Variants in INTS1 observed in about 807,000 individuals in gnomAD.
The protein encoded by INTS1 is integrator complex subunit 1.
Under a neutral mutation model 241.6 loss-of-function variants are expected in INTS1, and 137 were observed. That is an observed-to-expected ratio of 0.57 (90% CI 0.49 to 0.65). The LOEUF (loss-of-function observed/expected upper bound fraction) is 0.65. INTS1 is among the 30% of genes least tolerant of loss of function. INTS1 has a pLI of 0.00. For missense variants in INTS1, 3,073 were observed against 3,032.2 expected (o/e 1.01, Z -0.32); for synonymous variants, 1,692 against 1,337.8 (o/e 1.26, Z -5.78).
At chr7:1,502,492 G>C (rs572377959) in intron 3 of INTS1, among the ~76,000 whole-genome samples, 4 of 152,182 alleles carry the variant, frequency 2.6e-5, no homozygotes, top group African/African-American at 9.7e-5. Context: ...AACCAGGAGG[G>C]AAGGAGGAAC....
chr7:1,500,480 G>T (rs1783119165), intron 3 of INTS1, 114 bp from the exon 4 acceptor site: 1 of 1,198,012 alleles, frequency 8.3e-7, no homozygotes, highest in East Asian at 2.6e-5. Context: ...GCCCTGCCAG[G>T]GACCAGCGAT....
Position 1,471,122 on chromosome 7 carries a change from G to T in INTS1, c.6347+11C>A. On this transcript the variant is annotated intron_variant, in intron 46 of 47. Transcript: ENST00000404767. ...CGGTGGCGGCGGGACAGAGGCCGGCGGTGGCCTCACCTGGGGCTGTTCTGC... is the reference window on the plus strand; with the variant it reads ...CGGTGGCGGCGGGACAGAGGCCGGCTGTGGCCTCACCTGGGGCTGTTCTGC... 1 of 1,557,390 alleles carries T rather than the reference G, an allele frequency of 6.4e-7. No homozygotes were observed. Among genetic ancestry groups the T allele is most frequent in the Non-Finnish European group, 8.7e-7 (1 of 1,151,292 alleles).
In INTS1 at chr7:1,504,136, G is replaced by A. The variant is rs956195182; in HGVS notation, c.-41-135C>T. 1.8e-5 allele frequency: 10 copies of A among 562,480 alleles called. No individual in the cohort carries two copies. The African/African-American group carries it at 1.8e-4, about 10-fold the overall frequency. 34.8% of individuals were successfully genotyped at this position (562,480 alleles called of 1,614,324 possible). The stretch of plus-strand genomic sequence containing the variant: ...CGCGCCCGCCCGGCGGGGCGATGCT[G>A]CAGGAGCTGCAGGGACCCCGCCTCC... On this transcript the variant is annotated intron_variant, in intron 1 of 47. Coordinates refer to ENST00000404767, the MANE Select transcript of INTS1 (RefSeq NM_001080453.3).
Position 1,498,798 on chromosome 7 carries a change from G to T in INTS1, c.1192C>A (p.His398Asn), listed in dbSNP as rs369473164. Reference sequence around the variant, plus strand: ...ATGACGTCCATGTCTTCGGAACCGTGCGTGTTGCAGTTCATGCAGACGGAC... The same window carrying T: ...ATGACGTCCATGTCTTCGGAACCGTTCGTGTTGCAGTTCATGCAGACGGAC... The part of the protein sequence containing the change: ...LMSVCMNCNT[H>N]GSEDMDVISH... Residue 398 changes from histidine (H) to asparagine (N), a missense_variant, in exon 9 of 48, where the codon CAC becomes AAC. Physicochemically the swap from His to Asn is moderately conservative, Grantham distance 68 (BLOSUM62 1). Coordinates refer to ENST00000404767, the MANE Select transcript of INTS1 (RefSeq NM_001080453.3). 29 of 1,603,172 alleles carry T rather than the reference G, an allele frequency of 1.8e-5. No individual in the cohort carries two copies. In the African/African-American group the frequency reaches 2.7e-4, roughly 15 times the overall value.
rs754042228 is a variant in INTS1, at chr7:1,493,760, C to T, written c.2062G>A (p.Ala688Thr). The change falls in exon 15 of 48, where the codon GCG becomes ACG. Residue 688 changes from alanine (A) to threonine (T), a missense_variant. Physicochemically the swap from Ala to Thr is moderately conservative, Grantham distance 58 (BLOSUM62 0). Coordinates refer to ENST00000404767, the MANE Select transcript of INTS1 (RefSeq NM_001080453.3). The surrounding 1 kb of genome is among the most constrained non-coding windows in gnomAD (Gnocchi z 5.3). ...HLVKRAAAVQADDVEVLKVGR... is the reference protein window; with the variant it reads ...HLVKRAAAVQTDDVEVLKVGR... Reference sequence around the variant, plus strand: ...TCCCCTGCAGAAGCCATACCATCCGCCTGCACGGCAGCCGCCCGCTTCACC... The same window carrying T: ...TCCCCTGCAGAAGCCATACCATCCGTCTGCACGGCAGCCGCCCGCTTCACC... 1 of 1,578,152 alleles carries T rather than the reference C, an allele frequency of 6.3e-7. No individual in the cohort carries two copies. Among genetic ancestry groups the T allele is most frequent in the Admixed American group, 1.8e-5 (1 of 54,666 alleles).
At chr7:1,475,756 C>G (rs1350211582) in intron 39 of INTS1, among the ~76,000 whole-genome samples, 192 bp downstream of exon 39, 1 of 152,254 alleles carries the variant, frequency 6.6e-6, no homozygotes, top group Non-Finnish European at 1.5e-5. Flanking sequence ...ACTGTGCGAG[C>G]AGAGCACCCG....
intron 30 of INTS1, 46 bp from the exon 31 acceptor site, chr7:1,479,730 G>A: frequency 4.9e-6 from 7 of 1,437,856 alleles, no homozygotes; most frequent in Non-Finnish European, 6.4e-6. Context: ...AGGAGAAGGA[G>A]GAGGAGCGCA....
chr7:1,498,863 G>A lies in INTS1; in HGVS notation c.1138-11C>T, dbSNP rs199689668. The A allele has an allele frequency of 1.1e-4, 171 of 1,594,012 alleles. 1 individual carries two copies. Among genetic ancestry groups the A allele is most frequent in the South Asian group, 6.9e-5 (6 of 87,584 alleles). ...GGCCGGCCGGGTCAGCTGCGGGGCCGAGGAGGGAGCAGTGGGCTCACGGCC... is the reference window on the plus strand; with the variant it reads ...GGCCGGCCGGGTCAGCTGCGGGGCCAAGGAGGGAGCAGTGGGCTCACGGCC... On this transcript the variant is annotated splice_polypyrimidine_tract_variant and intron_variant, in intron 8 of 47. Transcript: ENST00000404767.
chr7:1,479,439 G>A lies in INTS1; in HGVS notation c.4320C>T (p.Cys1440=), dbSNP rs1453039567. ...GCCCACGCCCAAGTACCTGGTACTG[G>A]CAGAGCTGGCGCAGCAGCGGGCAGG... ...FLACPLLRQL[C]QYQRCVPQDT... is the part of the protein sequence containing the mutation. Residue 1440 remains cysteine (C), a synonymous_variant, in exon 31 of 48, where the codon TGC becomes TGT. Transcript: ENST00000404767. 7 of 1,577,202 alleles carry A rather than the reference G, an allele frequency of 4.4e-6. 1 individual carries two copies. In the South Asian group the frequency reaches 8.2e-5, roughly 18 times the overall value.
Position 1,492,711 on chromosome 7 carries a change from C to G in INTS1, c.2165+299G>C, listed in dbSNP as rs114514630. On this transcript the variant is annotated intron_variant, in intron 16 of 47. Transcript: ENST00000404767. ...GACACCGGGGAAGACAACGGGGAAA[C>G]AGCCCACTCAAACCCAGGTAACGGT... Among the ~76,000 whole-genome samples the G allele has an allele frequency of 2.5e-3, 378 of 152,334 alleles. 3 individuals are homozygous for G. Among genetic ancestry groups the G allele is most frequent in the African/African-American group, 8.6e-3 (357 of 41,578 alleles).
chr7:1,499,383 C>A, intron 6 of INTS1, 23 bp from the exon 7 acceptor site: 1 of 1,562,418 alleles, frequency 6.4e-7, no homozygotes, highest in Non-Finnish European at 8.7e-7. Context: ...GAGAGGGCTC[C>A]ATGCAGCGCC....
Position 1,483,758 on chromosome 7 carries a change from C to A in INTS1, c.3525G>T (p.Thr1175=). ...LVVHAMVILL[T]LGPPRADDSE... is the part of the protein sequence containing the mutation. ...GCGGCTCACCTCGAGGCGGGCCCAGCGTCAGCAGGATCACCATGGCATGGA... is the reference window on the plus strand; with the variant it reads ...GCGGCTCACCTCGAGGCGGGCCCAGAGTCAGCAGGATCACCATGGCATGGA... The change falls in exon 26 of 48, where the codon ACG becomes ACT. Residue 1175 remains threonine, a synonymous_variant. Coordinates refer to ENST00000404767, the MANE Select transcript of INTS1 (RefSeq NM_001080453.3). 2 of 1,610,734 alleles carry A rather than the reference C, an allele frequency of 1.2e-6. No homozygotes were observed. The highest frequency in any genetic ancestry group is 1.7e-6 in the Non-Finnish European group (2 of 1,179,630).
intron 12 of INTS1, 80 bp downstream of exon 12, chr7:1,496,076 G>T: frequency 1.8e-6 from 2 of 1,105,420 alleles, no homozygotes; most frequent in Non-Finnish European, 2.7e-6. Flanking sequence ...AGGGGACAGT[G>T]CAGCCTCGGA....
chr7:1,492,042 G>A (rs866045190), intron 16 of INTS1, among the ~76,000 whole-genome samples: 2 of 152,212 alleles, frequency 1.3e-5, no homozygotes, highest in African/African-American at 2.4e-5. Context: ...TGGCGGGGAC[G>A]CAAGCGGGAA....
At chr7:1,472,243 C>T in intron 44 of INTS1, 30 bp downstream of exon 44, 1 of 1,502,210 alleles carries the variant, frequency 6.7e-7, no homozygotes, top group Non-Finnish European at 9.1e-7. Context: ...GGGCGCTGAC[C>T]TGGCGTGGGT....
rs1369287268 is a variant in INTS1, at chr7:1,498,541, G to T, written c.1296C>A (p.Ser432Arg). Residue 432 changes from serine (S) to arginine (R), a missense_variant, in exon 10 of 48, where the codon AGC (serine) becomes AGA (arginine). Coordinates refer to ENST00000404767, the MANE Select transcript of INTS1 (RefSeq NM_001080453.3). Reference protein sequence around the residue: ...HFMLCIRELLSAHKDNLGTTI... With the variant: ...HFMLCIRELLRAHKDNLGTTI... ...TGGTGCCCAGGTTGTCCTTGTGCGC[G>T]CTCAGCAGCTCCCTGGGTGAGGTGA... The T allele has an allele frequency of 1.2e-6, 2 of 1,613,688 alleles. No homozygotes were observed. The highest frequency in any genetic ancestry group is 1.7e-6 in the Non-Finnish European group (2 of 1,179,824).
Position 1,485,389 on chromosome 7 carries a change from G to A in INTS1, c.3057C>T (p.Asp1019=). 1.2e-6 allele frequency: 2 copies of A among 1,612,752 alleles called. No individual in the cohort carries two copies. Among genetic ancestry groups the A allele is most frequent in the Non-Finnish European group, 1.7e-6 (2 of 1,179,820 alleles). ...KEPPMEEDVG[D]TDVLQGYQWL... ...ACTGATAGCCCTGCAGCACATCTGT[G>A]TCCCCCACATCCTCCTCCATGGGGG... The change falls in exon 23 of 48, where the codon GAC becomes GAT. Residue 1019 remains aspartate (D), a synonymous_variant. Coordinates refer to ENST00000404767, the MANE Select transcript of INTS1 (RefSeq NM_001080453.3).
intron 26 of INTS1, chr7:1,482,951 G>A (rs1782065171): frequency 1.8e-6 from 1 of 541,706 alleles, no homozygotes; most frequent in South Asian, 2.2e-5. Context: ...TCGTGGCCAA[G>A]GGGACATGTG....
chr7:1,473,017 G>GC (rs1781544118), intron 43 of INTS1, 55 bp downstream of exon 43: 1 of 1,200,836 alleles, frequency 8.3e-7, no homozygotes, highest in Admixed American at 2.3e-5. Context: ...GGAAAACCAG[G>GC]CCCTGTAGGA....
Sources: gnomAD v4.1 joint callset for allele counts (sites outside exome capture counted in the v4.1 genomes callset) on GRCh38, gnomAD v4.1.1 for gene constraint, Gnocchi (gnomAD v3.1) non-coding constraint, MANE v1.5 for transcripts, NCBI Gene and HGNC (gene_info 2026-07-23, HGNC 2026-07-21) for gene names.